The following ALS2 variants were observed in gnomAD, a reference collection of about 807,000 sequenced individuals.
The protein encoded by ALS2 is alsin Rho guanine nucleotide exchange factor ALS2, also known as alsin.
In ALS2, 117 loss-of-function variants were observed where a neutral mutation model predicts 203.4. The ratio of observed to expected loss-of-function variants is 0.58; its 90% CI spans 0.50 to 0.67. ALS2 has a LOEUF of 0.67. Ranked by LOEUF, ALS2 falls within the 30% of genes least tolerant of loss-of-function variation. The pLI is 0.00. For missense variants in ALS2, 1,715 were observed against 1,989.4 expected (o/e 0.86, Z 2.62); for synonymous variants, 718 against 725.9 (o/e 0.99, Z 0.17).
At chr2:201,711,309 T>C (rs1406506696) in intron 25 of ALS2, among the ~76,000 whole-genome samples, 2 of 152,196 alleles carry the variant, frequency 1.3e-5, no homozygotes, top group Non-Finnish European at 2.9e-5. Flanking sequence ...AATCAGGTAG[T>C]GTTACTTTGT....
At chr2:201,706,578 C>T (rs574586921) in intron 29 of ALS2, among the ~76,000 whole-genome samples, 56 of 145,632 alleles carry the variant, frequency 3.8e-4, no homozygotes, top group African/African-American at 1.4e-3. Context: ...ATATAAAATA[C>T]ATTACTAATA....
chr2:201,764,690 A>T (rs1293866773), intron 3 of ALS2, among the ~76,000 whole-genome samples: 1 of 149,326 alleles, frequency 6.7e-6, no homozygotes, highest in Non-Finnish European at 1.5e-5. Context: ...AATAAAAGTG[A>T]ATCAATGAGG....
At chr2:201,718,654 C>T (rs1690562964) in intron 23 of ALS2, among the ~76,000 whole-genome samples, 1 of 151,690 alleles carries the variant, frequency 6.6e-6, no homozygotes, top group African/African-American at 2.4e-5. Context: ...AAAACTCAAA[C>T]AAAATATGGG....
In ALS2 at chr2:201,715,728, T is replaced by C; in HGVS notation, c.3948A>G (p.Lys1316=). 6.2e-7 allele frequency: 1 copy of C among 1,614,244 alleles called. No individual in the cohort carries two copies. Among genetic ancestry groups the C allele is most frequent in the Non-Finnish European group, 8.5e-7 (1 of 1,180,046 alleles). ...CEGPGQGEVW[K]AWDNIAVALT... Reference sequence around the variant, plus strand: ...AGGCCACAGCAATATTGTCCCATGCTTTCCAAACTTCCCCTTGGCCTGGGC... The same window carrying C: ...AGGCCACAGCAATATTGTCCCATGCCTTCCAAACTTCCCCTTGGCCTGGGC... The change falls in exon 25 of 34, where the codon AAA becomes AAG. Residue 1316 remains lysine (K), a synonymous_variant. Transcript: ENST00000264276.
rs1691173799 is a variant in ALS2, at chr2:201,726,525, T to C, written c.3207A>G (p.Gly1069=). The C allele has an allele frequency of 6.2e-7, 1 of 1,614,186 alleles. No homozygotes were observed. Among genetic ancestry groups the C allele is most frequent in the Admixed American group, 1.7e-5 (1 of 60,032 alleles). The change falls in exon 19 of 34, where the codon GGA becomes GGG. Residue 1069 remains glycine, a synonymous_variant. Coordinates refer to ENST00000264276, the MANE Select transcript of ALS2 (RefSeq NM_020919.4). ...HGRGVLKWPD[G]KMYSGMFRNG... is the part of the protein sequence containing the mutation. ...TCCTGAACATGCCAGAATACATCTTTCCATCAGGCCACTTCAAAACCCCTC... is the reference window on the plus strand; with the variant it reads ...TCCTGAACATGCCAGAATACATCTTCCCATCAGGCCACTTCAAAACCCCTC...
chr2:201,755,175 G>T (rs1179610453), intron 5 of ALS2, among the ~76,000 whole-genome samples: 1 of 152,172 alleles, frequency 6.6e-6, no homozygotes, highest in Non-Finnish European at 1.5e-5. Context: ...AGGATTCCTT[G>T]AGCACAGGAG....
intron 25 of ALS2, 30 bp from the exon 26 acceptor site, chr2:201,711,138 A>G: frequency 7.4e-7 from 1 of 1,352,292 alleles, no homozygotes; most frequent in South Asian, 1.2e-5. Flanking sequence ...AGTCTGTTGT[A>G]TTTCACATCA....
Position 201,701,348 on chromosome 2 carries a change from A to T in ALS2, c.*503T>A, listed in dbSNP as rs2105958860. ...CTCCCTTGGCAAAGAGACATGATGCACACATGACTGGAAGGGACTCAGGAA... is the reference window on the plus strand; with the variant it reads ...CTCCCTTGGCAAAGAGACATGATGCTCACATGACTGGAAGGGACTCAGGAA... On this transcript the variant is annotated 3_prime_UTR_variant, in exon 34 of 34. Coordinates refer to ENST00000264276, the MANE Select transcript of ALS2 (RefSeq NM_020919.4). 1 of 154,214 alleles carries T rather than the reference A, an allele frequency of 6.5e-6. No homozygotes were observed. Among genetic ancestry groups the T allele is most frequent in the Non-Finnish European group, 1.4e-5 (1 of 68,976 alleles). 9.6% of individuals were successfully genotyped at this position (154,214 alleles called of 1,614,324 possible). A position where few individuals can be genotyped will look rare whatever the true frequency, so the allele number is the denominator to read the frequency against.
At position 201,741,825 on chromosome 2, in the gene ALS2, G is replaced by A; in HGVS notation, c.2200C>T (p.Leu734=). Residue 734 remains leucine, a synonymous_variant, in exon 11 of 34, where the codon CTG becomes TTG. Coordinates refer to ENST00000264276, the MANE Select transcript of ALS2 (RefSeq NM_020919.4). The stretch of plus-strand genomic sequence containing the variant: ...AATCGGCTAGCCACCTCCTGCAACA[G>A]CTGGACTGTAGTTGTAGTGCCCAAA... ...ENLGTTTTVQ[L]LQEVASRFSK... is the part of the protein sequence containing the mutation. 1 of 1,614,034 alleles carries A rather than the reference G, an allele frequency of 6.2e-7. No homozygotes were observed. Among genetic ancestry groups the A allele is most frequent in the Non-Finnish European group, 8.5e-7 (1 of 1,179,986 alleles).
At position 201,759,400 on chromosome 2, in the gene ALS2, A is replaced by G. The variant is rs1441912302; in HGVS notation, c.1113+1481T>C. The G allele has an allele frequency of 3.1e-6, 3 of 954,950 alleles. No individual in the cohort carries two copies. The African/African-American group carries it at 5.3e-5, about 17-fold the overall frequency. The allele number at this position is 954,950 out of a possible 1,614,324, so 59.2% of individuals were successfully genotyped here. Reference sequence around the variant, plus strand: ...AATAAATTCCTTGTGAATTAGCTGTATGATTGAGATGTTATTTACAAAGAA... The same window carrying G: ...AATAAATTCCTTGTGAATTAGCTGTGTGATTGAGATGTTATTTACAAAGAA... On this transcript the variant is annotated intron_variant, in intron 4 of 33. Coordinates refer to ENST00000264276, the MANE Select transcript of ALS2 (RefSeq NM_020919.4).
At chr2:201,739,337 C>G (rs537624975) in intron 11 of ALS2, among the ~76,000 whole-genome samples, 1 of 150,946 alleles carries the variant, frequency 6.6e-6, no homozygotes, top group South Asian at 2.1e-4. Context: ...ATCTACCAAG[C>G]AATATCTATT....
At chr2:201,738,813 T>C (rs1211021489) in intron 11 of ALS2, 78 bp from the exon 12 acceptor site, 6 of 1,205,946 alleles carry the variant, frequency 5.0e-6, no homozygotes, top group East Asian at 4.8e-5. Flanking sequence ...ATACCTGGAA[T>C]AGATAATTCT....
chr2:201,772,131 A>C (rs1402075750), intron 1 of ALS2, among the ~76,000 whole-genome samples: 1 of 152,230 alleles, frequency 6.6e-6, no homozygotes, highest in Non-Finnish European at 1.5e-5. Flanking sequence ...GGGCCCTTTA[A>C]ACAAAGAGCA....
At chr2:201,730,304 T>C (rs905115833) in intron 13 of ALS2, among the ~76,000 whole-genome samples, 4 of 152,136 alleles carry the variant, frequency 2.6e-5, no homozygotes, top group Non-Finnish European at 5.9e-5. Flanking sequence ...GATTGTGGAT[T>C]GGACATATGG....
Position 201,723,504 on chromosome 2 carries a change from A to G in ALS2, c.3513-63T>C, listed in dbSNP as rs1690951603. The G allele has an allele frequency of 2.9e-6, 4 of 1,372,872 alleles. No homozygotes were observed. In the African/African-American group the frequency reaches 4.3e-5, roughly 15 times the overall value. 85.0% of individuals were successfully genotyped at this position (1,372,872 alleles called of 1,614,324 possible). On this transcript the variant is annotated intron_variant, in intron 21 of 33. Transcript: ENST00000264276. ...ATAAGGATAAAGTAGGGAAAAGACA[A>G]TTATCACATGGGAGATCCCAGGCAT... is the stretch of plus-strand genomic sequence containing the variant.
intron 23 of ALS2, among the ~76,000 whole-genome samples, chr2:201,721,714 A>G (rs1402859958): frequency 6.6e-6 from 1 of 152,146 alleles, no homozygotes; most frequent in Non-Finnish European, 1.5e-5. Context: ...CCCAGGCTGG[A>G]GCACAGTGCC....
intron 30 of ALS2, 98 bp downstream of exon 30, chr2:201,705,318 G>A (rs1440668782): frequency 1.4e-6 from 2 of 1,459,660 alleles, no homozygotes; most frequent in South Asian, 1.1e-5. Flanking sequence ...ACAAGCTTGG[G>A]TACTGTTCTA....
rs567244303 is a variant in ALS2, at chr2:201,720,599, A to T, written c.3703-2389T>A. Among the ~76,000 whole-genome samples the T allele has an allele frequency of 2.0e-5, 3 of 150,390 alleles. No homozygotes were observed. In the East Asian group the frequency reaches 5.9e-4, roughly 29 times the overall value. ...CATGGTGGCATGTGCCTATAGTCCC[A>T]GTTACTTGGGGGGCTGAGGAGGGAG... On this transcript the variant is annotated intron_variant, in intron 23 of 33. Transcript: ENST00000264276.
chr2:201,735,008 G>A (rs1281622394), intron 12 of ALS2, among the ~76,000 whole-genome samples: 6 of 152,162 alleles, frequency 3.9e-5, no homozygotes, highest in Non-Finnish European at 7.3e-5. Flanking sequence ...GTACATACAA[G>A]AGAATATTAT....
Sources: gnomAD v4.1 joint callset for allele counts (sites outside exome capture counted in the v4.1 genomes callset) on GRCh38, gnomAD v4.1.1 for gene constraint, MANE v1.5 for transcripts, NCBI Gene and HGNC (gene_info 2026-07-23, HGNC 2026-07-21) for gene names.